Variants in PLAAT3 observed in about 807,000 individuals in gnomAD.
PLAAT3 encodes Ca-independent phospholipase A1/2.
Under a neutral mutation model 16.7 loss-of-function variants are expected in PLAAT3, and 21 were observed. That is an observed-to-expected ratio of 1.26 (90% CI 0.89 to 1.81). PLAAT3 has a LOEUF of 1.81. PLAAT3 is among the 40% of genes most tolerant of loss of function. PLAAT3 has a pLI of 0.00. For missense variants in PLAAT3, 219 were observed against 213.7 expected (o/e 1.02, Z -0.16); for synonymous variants, 76 against 81.7 (o/e 0.93, Z 0.38).
At chr11:63,584,255 G>T (rs1216972718) in intron 4 of PLAAT3, among the ~76,000 whole-genome samples, 1 of 148,096 alleles carries the variant, frequency 6.8e-6, no homozygotes, top group Non-Finnish European at 1.5e-5. Context: ...CTCTCACTCA[G>T]ACTAGACTTC....
intron 2 of PLAAT3, among the ~76,000 whole-genome samples, chr11:63,611,318 C>T (rs1300666198): frequency 6.6e-6 from 1 of 152,120 alleles, no homozygotes; most frequent in Non-Finnish European, 1.5e-5. Context: ...AGTCGGTCTG[C>T]CTTTTATTAC....
intron 2 of PLAAT3, among the ~76,000 whole-genome samples, chr11:63,603,592 T>G (rs530287547): frequency 6.6e-6 from 1 of 151,336 alleles, no homozygotes; most frequent in East Asian, 1.9e-4. Flanking sequence ...GTGACAAACC[T>G]GCACATCCTG....
intron 3 of PLAAT3, among the ~76,000 whole-genome samples, chr11:63,597,190 T>C (rs1938309683): frequency 6.6e-6 from 1 of 152,038 alleles, no homozygotes; most frequent in South Asian, 2.1e-4. Flanking sequence ...GTAAGTTTCC[T>C]GAGGCGTCCC....
At chr11:63,588,590 G>A (rs1020787336) in intron 4 of PLAAT3, among the ~76,000 whole-genome samples, 4 of 152,156 alleles carry the variant, frequency 2.6e-5, no homozygotes, top group African/African-American at 9.7e-5. Flanking sequence ...TCTCAGGGAA[G>A]TTGAAGCCAG....
Position 63,574,916 on chromosome 11 carries a change from G to A in PLAAT3, c.*29C>T, listed in dbSNP as rs1245262213. 3 of 1,356,898 alleles carry A rather than the reference G, an allele frequency of 2.2e-6. No homozygotes were observed. Among genetic ancestry groups the A allele is most frequent in the Non-Finnish European group, 3.2e-6 (3 of 944,676 alleles). The allele number at this position is 1,356,898 out of a possible 1,614,324, so 84.1% of individuals were successfully genotyped here. ...AAACAAGACCCCCTTGATGTATAAA[G>A]TCATCGCTGACAGGACAGTCTTTTT... On this transcript the variant is annotated 3_prime_UTR_variant, in exon 5 of 5. Transcript: ENST00000415826.
At chr11:63,576,985 T>A (rs1418751903) in intron 4 of PLAAT3, among the ~76,000 whole-genome samples, 2 of 152,222 alleles carry the variant, frequency 1.3e-5, no homozygotes, top group African/African-American at 4.8e-5. Context: ...AATACATATT[T>A]AGCTTAACAA....
chr11:63,591,338 C>T (rs1011462405), intron 3 of PLAAT3, among the ~76,000 whole-genome samples: 7 of 152,134 alleles, frequency 4.6e-5, no homozygotes, highest in African/African-American at 1.7e-4. Flanking sequence ...GCTGAGATTG[C>T]GCCGCTGCAC....
intron 4 of PLAAT3, among the ~76,000 whole-genome samples, chr11:63,579,872 T>TAAAAA (rs34817353): frequency 9.3e-6 from 1 of 107,078 alleles, no homozygotes; most frequent in South Asian, 3.1e-4. Context: ...TAAAGTATAA[T>TAAAAA]AAAAAAAAAA....
intron 2 of PLAAT3, among the ~76,000 whole-genome samples, chr11:63,609,053 T>C: frequency 6.6e-6 from 1 of 152,092 alleles, no homozygotes; most frequent in East Asian, 1.9e-4. Flanking sequence ...CCCCAGGATG[T>C]TGTCATTATT....
chr11:63,586,785 A>T (rs1166423232), intron 4 of PLAAT3, among the ~76,000 whole-genome samples: 1 of 152,168 alleles, frequency 6.6e-6, no homozygotes, highest in Non-Finnish European at 1.5e-5. Flanking sequence ...TTTCAAATTT[A>T]AAAAGATACA....
At chr11:63,613,287 T>TA (rs1938738673) in intron 2 of PLAAT3, among the ~76,000 whole-genome samples, 2 of 151,716 alleles carry the variant, frequency 1.3e-5, no homozygotes, top group Non-Finnish European at 3.0e-5. Context: ...GGCGGGCGCC[T>TA]GTACTCCCAG....
intron 2 of PLAAT3, among the ~76,000 whole-genome samples, chr11:63,609,110 C>T (rs1938633890): frequency 6.6e-6 from 1 of 152,188 alleles, no homozygotes; most frequent in Admixed American, 6.5e-5. Context: ...GGTGGAGACA[C>T]TGTGGAGGCT....
At chr11:63,614,115 G>C (rs758179726) in intron 1 of PLAAT3, 47 bp from the exon 2 acceptor site, 3 of 1,542,312 alleles carry the variant, frequency 1.9e-6, no homozygotes, top group South Asian at 2.2e-5. Flanking sequence ...AGGAAACTGC[G>C]TCTCCAGACC....
chr11:63,589,954 CCCTTGT>C (rs11276676), intron 4 of PLAAT3, 140 bp downstream of exon 4: 278,063 of 721,354 alleles, frequency 0.39, 60,402 homozygotes, highest in African/African-American at 0.69. Context: ...CTTGTCCCCA[CCCTTGT>C]CCCAACTGTG....
intron 4 of PLAAT3, among the ~76,000 whole-genome samples, chr11:63,589,005 G>A (rs1938060374): frequency 1.3e-5 from 2 of 148,860 alleles, no homozygotes; most frequent in African/African-American, 2.5e-5. Context: ...AAAAGAGGAG[G>A]ATAATTTAAA....
At chr11:63,583,101 G>A (rs1281347935) in intron 4 of PLAAT3, among the ~76,000 whole-genome samples, 1 of 152,134 alleles carries the variant, frequency 6.6e-6, no homozygotes, top group East Asian at 1.9e-4. Flanking sequence ...CTGCACTCCA[G>A]CCTGGGTGAC....
rs541197218 is a variant in PLAAT3, at chr11:63,577,296, C to T, written c.388-2250G>A. ...AAGTGGTTCTCTTGCCTCAGCCTCC[C>T]GAGTAGCTGGGATTACAGGCACCCG... On this transcript the variant is annotated intron_variant, in intron 4 of 4. Coordinates refer to ENST00000415826, the MANE Select transcript of PLAAT3 (RefSeq NM_001128203.2). Among the ~76,000 whole-genome samples, 37 of 152,062 alleles carry T rather than the reference C, an allele frequency of 2.4e-4. 1 individual carries two copies. The highest frequency in any genetic ancestry group is 9.6e-4 in the East Asian group (5 of 5,184).
chr11:63,598,976 G>A lies in PLAAT3; in HGVS notation c.16-813C>T, dbSNP rs114014069. 9.2e-3 allele frequency among the ~76,000 whole-genome samples: 1,402 copies of A among 152,270 alleles called. 27 individuals carry two copies. Among genetic ancestry groups the A allele is most frequent in the African/African-American group, 0.032 (1,331 of 41,546 alleles). ...TAAATGCTCTCACCCTGTTAGGGGAGCATGGGGCAGAGTTTGAGAAAACTT... is the reference window on the plus strand; with the variant it reads ...TAAATGCTCTCACCCTGTTAGGGGAACATGGGGCAGAGTTTGAGAAAACTT... On this transcript the variant is annotated intron_variant, in intron 2 of 4. Coordinates refer to ENST00000415826, the MANE Select transcript of PLAAT3 (RefSeq NM_001128203.2).
At chr11:63,603,862 C>T (rs1436428796) in intron 2 of PLAAT3, among the ~76,000 whole-genome samples, 1 of 152,064 alleles carries the variant, frequency 6.6e-6, no homozygotes, top group East Asian at 1.9e-4. Flanking sequence ...GCTTAAAATA[C>T]ATTTTTAGGC....
Sources: allele counts gnomAD v4.1 joint callset (sites outside exome capture counted in the v4.1 genomes callset), GRCh38; gene constraint gnomAD v4.1.1; transcripts MANE v1.5; gene names NCBI Gene and HGNC (gene_info 2026-07-23, HGNC 2026-07-21).